Variants in PTPRN2 observed in about 807,000 individuals in gnomAD.
PTPRN2 encodes the protein receptor-type tyrosine-protein phosphatase N2.
A neutral mutation model predicts 118.8 loss-of-function variants in PTPRN2; 74 were observed. That is an observed-to-expected ratio of 0.62 (90% confidence interval 0.52 to 0.76). The LOEUF (loss-of-function observed/expected upper bound fraction) is 0.76. Among genes scored for constraint, PTPRN2 ranks in the 30% least tolerant of loss-of-function variants. PTPRN2 has a pLI of 0.00. For missense variants in PTPRN2, 1,481 were observed against 1,394.4 expected, an observed-to-expected ratio of 1.06 and a Z score of -0.99; for synonymous variants, 641 against 608.0, an observed-to-expected ratio of 1.05 and a Z score of -0.80.
chr7:157,904,867 G>A (rs1464784526), intron 11 of PTPRN2, among the ~76,000 whole-genome samples: 1 of 152,190 alleles, frequency 6.6e-6, no homozygotes, highest in Admixed American at 6.5e-5. Flanking sequence ...ACAGCCCTGC[G>A]GTTTGTTGCT....
intron 12 of PTPRN2, among the ~76,000 whole-genome samples, chr7:157,720,717 G>A (rs912039681): frequency 3.3e-5 from 5 of 152,192 alleles, no homozygotes; most frequent in African/African-American, 9.7e-5. Context: ...AACGGCAAAT[G>A]GTGAGCGTGC....
intron 6 of PTPRN2, among the ~76,000 whole-genome samples, chr7:158,152,093 G>T (rs1270610773): frequency 5.3e-5 from 8 of 149,692 alleles, no homozygotes; most frequent in South Asian, 2.1e-4. Context: ...AGAATGGTGT[G>T]AACCCGGGAG....
intron 1 of PTPRN2, among the ~76,000 whole-genome samples, chr7:158,491,883 C>T (rs1821476482): frequency 6.6e-6 from 1 of 152,208 alleles, no homozygotes; most frequent in Admixed American, 6.5e-5. Flanking sequence ...AGTGTCTGAG[C>T]CAGGCAGAGG....
chr7:157,558,357 G>C (rs1799012383), intron 21 of PTPRN2, among the ~76,000 whole-genome samples: 1 of 152,170 alleles, frequency 6.6e-6, no homozygotes, highest in Non-Finnish European at 1.5e-5. Flanking sequence ...CCGTGTGATG[G>C]GGCACACGCA....
rs1226235699 is a variant in PTPRN2, at chr7:158,546,945, GC to G, written c.112+40612del. On this transcript the variant is annotated intron_variant, in intron 1 of 22. Transcript: ENST00000389418. This position sits in a 1 kb window ranked among gnomAD's most constrained non-coding sequence, Gnocchi z 5.0. The stretch of plus-strand genomic sequence containing the variant: ...GGGGGACAGCCCAGCCATCTTCAGG[GC>G]CCCAGGTGAGGCCACAGCCAGCCCA... Among the ~76,000 whole-genome samples, 1 of 152,106 alleles carries G rather than the reference GC, an allele frequency of 6.6e-6. No individual in the cohort carries two copies. Among genetic ancestry groups the G allele is most frequent in the African/African-American group, 2.4e-5 (1 of 41,438 alleles).
chr7:158,526,793 G>A lies in PTPRN2; in HGVS notation c.113-37008C>T, dbSNP rs1824813973. On this transcript the variant is annotated intron_variant, in intron 1 of 22. Transcript: ENST00000389418. The surrounding 1 kb of genome is among the most constrained non-coding windows in gnomAD (Gnocchi z 5.2). ...GGAGACGGCATCTGCCAGCCAAGGG[G>A]AGAGGCCTCTGGGGGAACCTGCCCT... is the stretch of plus-strand genomic sequence containing the variant. 1.3e-5 allele frequency among the ~76,000 whole-genome samples: 2 copies of A among 152,236 alleles called. No homozygotes were observed. Among genetic ancestry groups the A allele is most frequent in the South Asian group, 4.1e-4 (2 of 4,822 alleles).
chr7:157,740,329 A>G (rs533951173), intron 12 of PTPRN2: 1 of 149,168 alleles, frequency 6.7e-6, no homozygotes, highest in East Asian at 2.0e-4. Flanking sequence ...AGAACCAGCA[A>G]GGTCAAATTG....
chr7:157,789,023 C>T (rs1023457332), intron 12 of PTPRN2, among the ~76,000 whole-genome samples: 2 of 152,234 alleles, frequency 1.3e-5, no homozygotes, highest in Admixed American at 6.5e-5. Flanking sequence ...GTAACAGTCA[C>T]TACAGGACAG....
At chr7:157,695,418 A>C (rs1159187911) in intron 12 of PTPRN2, among the ~76,000 whole-genome samples, 1 of 152,134 alleles carries the variant, frequency 6.6e-6, no homozygotes, top group Non-Finnish European at 1.5e-5. Context: ...AGTATTTAAA[A>C]TACTTTTGAT....
intron 19 of PTPRN2, among the ~76,000 whole-genome samples, chr7:157,571,956 T>G (rs1028464472): frequency 2.2e-4 from 33 of 152,364 alleles, no homozygotes; most frequent in Non-Finnish European, 8.8e-5. Flanking sequence ...AAAAACAGCA[T>G]CTTCAAGGGC....
rs1468875997 is a variant in PTPRN2 at position 157,964,382 on chromosome 7, G to A, written c.1724-65645C>T. Among the ~76,000 whole-genome samples, 2 of 152,068 alleles carry A rather than the reference G, an allele frequency of 1.3e-5. No homozygotes were observed. Among genetic ancestry groups the A allele is most frequent in the Admixed American group, 6.5e-5 (1 of 15,270 alleles). ...GATGTTGGCAACTGCTGGGCTGGATGGTTATTAGCATATTAGGATGACATT... is the reference window on the plus strand; with the variant it reads ...GATGTTGGCAACTGCTGGGCTGGATAGTTATTAGCATATTAGGATGACATT... On this transcript the variant is annotated intron_variant, in intron 11 of 22. Transcript: ENST00000389418. This position sits in a 1 kb window ranked among gnomAD's most constrained non-coding sequence, Gnocchi z 9.0.
chr7:158,069,042 T>C (rs2128913510), intron 11 of PTPRN2, among the ~76,000 whole-genome samples: 1 of 152,320 alleles, frequency 6.6e-6, no homozygotes. Flanking sequence ...CCGTGGGCTT[T>C]GCATCATACG....
At chr7:158,329,745 T>G (rs1330398012) in intron 2 of PTPRN2, among the ~76,000 whole-genome samples, 5 of 152,172 alleles carry the variant, frequency 3.3e-5, no homozygotes, top group Admixed American at 3.3e-4. Flanking sequence ...ACAGGGAGGT[T>G]AAGGAACTTG....
intron 10 of PTPRN2, among the ~76,000 whole-genome samples, chr7:158,084,169 C>G (rs1024896178): frequency 1.3e-5 from 2 of 152,210 alleles, no homozygotes; most frequent in Non-Finnish European, 2.9e-5. Flanking sequence ...AGGGGCAACA[C>G]TGGGGGCTCC....
intron 3 of PTPRN2, among the ~76,000 whole-genome samples, chr7:158,260,210 C>A (rs984424782): frequency 6.6e-6 from 1 of 152,202 alleles, no homozygotes; most frequent in South Asian, 2.1e-4. Flanking sequence ...GCCTAAAACA[C>A]GACAAAGCAA....
Position 158,417,228 on chromosome 7 carries a change from C to G in PTPRN2, c.163+72507G>C, listed in dbSNP as rs542814926. Among the ~76,000 whole-genome samples, 21 of 152,148 alleles carry G rather than the reference C, an allele frequency of 1.4e-4. No homozygotes were observed. The Middle Eastern group carries it at 0.01, about 74-fold the overall frequency. ...TCACAGTGCACTACAACAAGATGCT[C>G]TAGCTCTCAGTGTCCTGCTGTGTTA... On this transcript the variant is annotated intron_variant, in intron 2 of 22. Transcript: ENST00000389418.
intron 2 of PTPRN2, among the ~76,000 whole-genome samples, chr7:158,431,209 C>A (rs7808983): frequency 0.98 from 148,652 of 152,018 alleles, 72,719 homozygotes; most frequent in African/African-American, 1. Flanking sequence ...CACACTGGGC[C>A]CACACTGGCT....
At chr7:158,135,968 G>C (rs6459841) in intron 8 of PTPRN2, among the ~76,000 whole-genome samples, 48,092 of 152,056 alleles carry the variant, frequency 0.32, 7,830 homozygotes, top group East Asian at 0.5. Flanking sequence ...GTTCTTAAAG[G>C]GAGAGAAACT....
At chr7:158,513,701 A>C (rs1241665685) in intron 1 of PTPRN2, among the ~76,000 whole-genome samples, 1 of 152,238 alleles carries the variant, frequency 6.6e-6, no homozygotes, top group Non-Finnish European at 1.5e-5. Context: ...TAACACAGAA[A>C]TAGGTTTATG....
Sources: gnomAD v4.1 joint callset for allele counts (sites outside exome capture counted in the v4.1 genomes callset) on GRCh38, gnomAD v4.1.1 for gene constraint, Gnocchi (gnomAD v3.1) non-coding constraint, MANE v1.5 for transcripts, NCBI Gene and HGNC (gene_info 2026-07-23, HGNC 2026-07-21) for gene names.